AIFM1: variants seen among roughly 807,000 people sequenced by gnomAD.
The protein encoded by AIFM1 is apoptosis inducing factor mitochondria associated 1.
AIFM1 carries 3 observed loss-of-function variants against 51.7 expected under a neutral mutation model. That is an observed-to-expected ratio of 0.06 (90% CI 0.03 to 0.15). The LOEUF (loss-of-function observed/expected upper bound fraction) is 0.15, where lower values mean the gene tolerates loss of function less well. AIFM1 is among the 10% of genes least tolerant of loss of function. The pLI is 1.00. For synonymous variants in AIFM1, 178 were observed against 179.4 expected, an observed-to-expected ratio of 0.99 and a Z score of 0.06; for missense variants, 330 against 476.8, an observed-to-expected ratio of 0.69 and a Z score of 2.87.
At chrX:130,160,328 T>C (rs5930380) in intron 1 of AIFM1, among the ~76,000 whole-genome samples, 53,261 of 110,068 alleles carry the variant, frequency 0.48, 10,008 homozygotes, top group African/African-American at 0.67. Context: ...CTTACTAACA[T>C]GGAAAAGCCA....
At chrX:130,152,499 T>C (rs1488589812) in intron 2 of AIFM1, among the ~76,000 whole-genome samples, 2 of 112,295 alleles carry the variant, frequency 1.8e-5, no homozygotes, top group African/African-American at 6.5e-5. Context: ...AAGACAACTT[T>C]TCTAAACAGA....
intron 2 of AIFM1, among the ~76,000 whole-genome samples, chrX:130,150,630 C>T (rs1318743108): frequency 1.3e-4 from 14 of 106,041 alleles, no homozygotes; most frequent in Non-Finnish European, 1.4e-4. Flanking sequence ...CCACCGCGCC[C>T]GGCCTATTGG....
intron 2 of AIFM1, among the ~76,000 whole-genome samples, chrX:130,149,886 A>G (rs1011040844): frequency 3.6e-5 from 4 of 112,349 alleles, no homozygotes; most frequent in Non-Finnish European, 5.6e-5. Flanking sequence ...TACTAGAAGA[A>G]TAAAGTGCTA....
chrX:130,165,726 T>G lies in AIFM1; in HGVS notation c.-70A>C, dbSNP rs931418303. Reference sequence around the variant, plus strand: ...CGCACGACCGACGGGTCAAACACCGTGAGCCCCGGCCAGCTCCCCCAGTCT... The same window carrying G: ...CGCACGACCGACGGGTCAAACACCGGGAGCCCCGGCCAGCTCCCCCAGTCT... On this transcript the variant is annotated 5_prime_UTR_variant, in exon 1 of 16. Coordinates refer to ENST00000287295, the MANE Select transcript of AIFM1 (RefSeq NM_004208.4). 2.2e-6 allele frequency: 2 copies of G among 914,309 alleles called. No homozygotes were observed. Among genetic ancestry groups the G allele is most frequent in the African/African-American group, 1.9e-5 (1 of 51,497 alleles). 75.3% of individuals were successfully genotyped at this position (914,309 alleles called of 1,213,427 possible).
intron 9 of AIFM1, chrX:130,138,057 C>T (rs1344696343): frequency 1.1e-5 from 1 of 93,766 alleles, no homozygotes; most frequent in African/African-American, 4.3e-5. Flanking sequence ...AGTGAAACTC[C>T]ATCTCAAAAA....
intron 5 of AIFM1, among the ~76,000 whole-genome samples, chrX:130,146,600 T>C (rs772027354): frequency 9.1e-5 from 10 of 109,809 alleles, no homozygotes; most frequent in Non-Finnish European, 7.6e-5. Context: ...TTGTAAAATT[T>C]GGTCAGGTAT....
rs66532248 is a variant in AIFM1 at position 130,133,630 on chromosome X, AT to A, written c.1306-176del. On this transcript the variant is annotated intron_variant, in intron 12 of 15. Transcript: ENST00000287295. ...CAAAAACAGCTGATAACCCATTTAAATTTTTTTTTTTTCTTTTAGACAGGGT... is the reference window on the plus strand; with the variant it reads ...CAAAAACAGCTGATAACCCATTTAAATTTTTTTTTTTCTTTTAGACAGGGT... Among the ~76,000 whole-genome samples the A allele has an allele frequency of 0.48, 49,586 of 103,315 alleles. 9,750 individuals carry two copies. Among genetic ancestry groups the A allele is most frequent in the African/African-American group, 0.67 (18,859 of 28,299 alleles). 89.7% of individuals were successfully genotyped at this position (103,315 alleles called of 115,157 possible). A position where few individuals can be genotyped will look rare whatever the true frequency, so the allele number is the denominator to read the frequency against.
intron 8 of AIFM1, among the ~76,000 whole-genome samples, chrX:130,139,128 A>G (rs1461620982): frequency 9.1e-6 from 1 of 109,759 alleles, no homozygotes; most frequent in Non-Finnish European, 1.9e-5. Context: ...AAGACAGTAC[A>G]CAGCCTGGCC....
chrX:130,160,316 G>A (rs2031306702), intron 1 of AIFM1, among the ~76,000 whole-genome samples: 1 of 111,075 alleles, frequency 9.0e-6, no homozygotes, highest in African/African-American at 3.3e-5. Flanking sequence ...CTTTTCACTT[G>A]TCTTACTAAC....
In AIFM1 at chrX:130,156,608, GA is replaced by G; in HGVS notation, c.107-6del. ...GCCATCGCTGGAACAAGTTGCCTAA[GA>G]AACATAATTTATTAAGACACACACA... On this transcript the variant is annotated splice_region_variant and splice_polypyrimidine_tract_variant and intron_variant, in intron 1 of 15. Transcript: ENST00000287295. 1 of 1,209,687 alleles carries G rather than the reference GA, an allele frequency of 8.3e-7. No individual in the cohort carries two copies. Among genetic ancestry groups the G allele is most frequent in the Non-Finnish European group, 1.1e-6 (1 of 893,957 alleles).
rs1603232458 is a variant in AIFM1 at position 130,164,006 on chromosome X, A to C, written c.106+1545T>G. 2.8e-5 allele frequency among the ~76,000 whole-genome samples: 3 copies of C among 107,566 alleles called. No individual in the cohort carries two copies. In the East Asian group the frequency reaches 8.7e-4, roughly 31 times the overall value. 93.4% of individuals were successfully genotyped at this position (107,566 alleles called of 115,157 possible). On this transcript the variant is annotated intron_variant, in intron 1 of 15. Transcript: ENST00000287295. ...TTGTCTCTACTAAAAATACAAAAAA[A>C]AAAAAAAAAAAATTAGCCGGGCGTG...
chrX:130,129,670 T>C (rs777265239), intron 15 of AIFM1, 42 bp from the exon 16 acceptor site: 8 of 1,133,914 alleles, frequency 7.1e-6, no homozygotes, highest in South Asian at 1.8e-5. Context: ...ACTTACTCCA[T>C]TGCGTTCAGG....
At position 130,138,472 on chromosome X, in the gene AIFM1, AAT is replaced by A; in HGVS notation, c.967+119_967+120del. On this transcript the variant is annotated intron_variant, in intron 9 of 15. Coordinates refer to ENST00000287295, the MANE Select transcript of AIFM1 (RefSeq NM_004208.4). ...AGAGCGAGACTCCATCTCAAAAAAA[AAT>A]AAATAAATAAACCTTAATTAAACTC... 4 of 572,225 alleles carry A rather than the reference AAT, an allele frequency of 7.0e-6. No homozygotes were observed. The Admixed American group carries it at 8.1e-5, about 12-fold the overall frequency. The allele number at this position is 572,225 out of a possible 1,213,427, so 47.2% of individuals were successfully genotyped here.
intron 1 of AIFM1, among the ~76,000 whole-genome samples, chrX:130,160,530 A>G (rs2031311598): frequency 8.9e-6 from 1 of 112,273 alleles, no homozygotes; most frequent in Non-Finnish European, 1.9e-5. Flanking sequence ...TAATGAAGGA[A>G]GGAAATAGAA....
At position 130,138,309 on chromosome X, in the gene AIFM1, C is replaced by T. The variant is rs776250139; in HGVS notation, c.967+284G>A. 1.1e-3 allele frequency among the ~76,000 whole-genome samples: 121 copies of T among 109,740 alleles called. 1 individual carries two copies. The highest frequency in any genetic ancestry group is 4.0e-3 in the African/African-American group (120 of 30,241). On this transcript the variant is annotated intron_variant, in intron 9 of 15. Coordinates refer to ENST00000287295, the MANE Select transcript of AIFM1 (RefSeq NM_004208.4). ...TGAAACCCCATCTCTACTAAAAATA[C>T]AAAAAATTAGCCAGGCGTGGTTACA...
intron 12 of AIFM1, among the ~76,000 whole-genome samples, chrX:130,133,933 G>A (rs974012392): frequency 9.1e-6 from 1 of 110,385 alleles, no homozygotes; most frequent in Non-Finnish European, 1.9e-5. Flanking sequence ...CGCCTGGCCT[G>A]AGATCTCATT....
intron 6 of AIFM1, among the ~76,000 whole-genome samples, chrX:130,140,982 G>C (rs976772419): frequency 8.9e-6 from 1 of 112,187 alleles, no homozygotes; most frequent in South Asian, 3.7e-4. Context: ...CAGGTGTGGC[G>C]GCATATGCCT....
At chrX:130,134,826 C>T (rs932287312) in intron 12 of AIFM1, among the ~76,000 whole-genome samples, 1 of 111,401 alleles carries the variant, frequency 9.0e-6, no homozygotes, top group African/African-American at 3.3e-5. Flanking sequence ...CTGTGAAATT[C>T]GCTTAATGGA....
intron 13 of AIFM1, among the ~76,000 whole-genome samples, chrX:130,132,167 C>T (rs1185999258): frequency 3.6e-5 from 4 of 111,537 alleles, no homozygotes; most frequent in African/African-American, 9.8e-5. Flanking sequence ...CCACCGCACC[C>T]GACCAACACC....
Sources: allele counts gnomAD v4.1 joint callset (sites outside exome capture counted in the v4.1 genomes callset), GRCh38; gene constraint gnomAD v4.1.1; transcripts MANE v1.5; gene names NCBI Gene and HGNC (gene_info 2026-07-23, HGNC 2026-07-21).